Variants in NABP1 observed in about 807,000 individuals in gnomAD.
NABP1 encodes the protein SOSS complex subunit B2.
Under a neutral mutation model 25.0 loss-of-function variants are expected in NABP1, and 18 were observed. The ratio of observed to expected loss-of-function variants is 0.72; its 90% CI spans 0.50 to 1.07. The LOEUF is 1.07. Ranked by LOEUF, NABP1 falls within the 50% of genes least tolerant of loss-of-function variation. The pLI, the probability that NABP1 is intolerant of heterozygous loss-of-function variation, is 0.00. For missense variants in NABP1, 270 were observed against 255.6 expected (o/e 1.06, Z -0.39); for synonymous variants, 71 against 85.0 (o/e 0.84, Z 0.91).
At chr2:191,679,429 T>A (rs1687610802) in intron 2 of NABP1, among the ~76,000 whole-genome samples, 1 of 152,204 alleles carries the variant, frequency 6.6e-6, no homozygotes, top group South Asian at 2.1e-4. Context: ...CAAGCTGGAG[T>A]GCAGTGGCGT....
intron 1 of NABP1, 118 bp from the exon 2 acceptor site, chr2:191,678,871 GC>G: frequency 6.8e-7 from 1 of 1,467,684 alleles, no homozygotes; most frequent in South Asian, 1.2e-5. Flanking sequence ...TGAGGCGGGA[GC>G]CCTGGGCTTG....
chr2:191,683,949 G>A lies in NABP1; in HGVS notation c.378+145G>A. The A allele has an allele frequency of 5.5e-6, 4 of 724,170 alleles. No individual in the cohort carries two copies. The highest frequency in any genetic ancestry group is 3.7e-5 in the South Asian group (2 of 53,866). The allele number at this position is 724,170 out of a possible 1,614,324, so 44.9% of individuals were successfully genotyped here. A position where few individuals can be genotyped will look rare whatever the true frequency, so the allele number is the denominator to read the frequency against. On this transcript the variant is annotated intron_variant, in intron 4 of 5. Transcript: ENST00000425611. The surrounding 1 kb of genome is among the most constrained non-coding windows in gnomAD (Gnocchi z 4.1). ...TTTATTGTATGTTTTGTGAGGATAT[G>A]TATCTGAGGTGTCATCTACTAGATA...
In NABP1 at chr2:191,684,264, G is replaced by A; in HGVS notation, c.413G>A (p.Ser138Asn). 1 of 1,540,346 alleles carries A rather than the reference G, an allele frequency of 6.5e-7. No individual in the cohort carries two copies. The highest frequency in any genetic ancestry group is 8.7e-7 in the Non-Finnish European group (1 of 1,154,108). ...QSEQKNNSMN[S>N]NMGTGTFGPV... ...GAACAGAAGAATAATTCCATGAATA[G>A]TAATATGGGTACAGGTACATTTGGA... is the stretch of plus-strand genomic sequence containing the variant. The change falls in exon 5 of 6, where the codon AGT becomes AAT. Residue 138 changes from serine to asparagine, a missense_variant. Ser to Asn is a conservative substitution (Grantham distance 46). Transcript: ENST00000425611.
chr2:191,682,476 C>T (rs1458266039), intron 3 of NABP1: 1 of 469,982 alleles, frequency 2.1e-6, no homozygotes, highest in African/African-American at 2.0e-5. Flanking sequence ...AACTGAAGTC[C>T]TCTATTTATC....
At chr2:191,679,674 G>T (rs1241581108) in intron 2 of NABP1, among the ~76,000 whole-genome samples, 2 of 152,232 alleles carry the variant, frequency 1.3e-5, no homozygotes, top group Admixed American at 6.5e-5. Flanking sequence ...ACCACGCCCG[G>T]CATAGATTTT....
At position 191,681,971 on chromosome 2, in the gene NABP1, C is replaced by G; in HGVS notation, c.256C>G (p.Leu86Val). 1 of 1,515,300 alleles carries G rather than the reference C, an allele frequency of 6.6e-7. No homozygotes were observed. Among genetic ancestry groups the G allele is most frequent in the South Asian group, 1.4e-5 (1 of 74,008 alleles). The allele number at this position is 1,515,300 out of a possible 1,614,324, so 93.9% of individuals were successfully genotyped here. ...RGYASMWKGC[L>V]TLYTGRGGEL... Reference sequence around the variant, plus strand: ...GTATGCATCCATGTGGAAAGGATGTCTGACACTTTATACTGGAAGGGGTGG... The same window carrying G: ...GTATGCATCCATGTGGAAAGGATGTGTGACACTTTATACTGGAAGGGGTGG... The change falls in exon 3 of 6, where the codon CTG (leucine) becomes GTG (valine). Residue 86 changes from leucine to valine, a missense_variant. Coordinates refer to ENST00000425611, the MANE Select transcript of NABP1 (RefSeq NM_001031716.5).
At chr2:191,681,923 A>G (rs1687695586) in intron 2 of NABP1, 23 bp from the exon 3 acceptor site, 2 of 1,418,492 alleles carry the variant, frequency 1.4e-6, no homozygotes, top group African/African-American at 1.5e-5. Flanking sequence ...TTTCTAAAGA[A>G]TTAATGTTTC....
chr2:191,684,364 G>A lies in NABP1; in HGVS notation c.445+68G>A. The stretch of plus-strand genomic sequence containing the variant: ...AATGAAGAGAGCTGTAAAGATTCAC[G>A]TGAAAAGCAACGTCTTTAGGCATAA... On this transcript the variant is annotated intron_variant, in intron 5 of 5. Coordinates refer to ENST00000425611, the MANE Select transcript of NABP1 (RefSeq NM_001031716.5). 7.8e-6 allele frequency: 9 copies of A among 1,159,196 alleles called. No individual in the cohort carries two copies. In the South Asian group the frequency reaches 7.8e-5, roughly 10 times the overall value. 71.8% of individuals were successfully genotyped at this position (1,159,196 alleles called of 1,614,324 possible). A position where few individuals can be genotyped will look rare whatever the true frequency, so the allele number is the denominator to read the frequency against.
chr2:191,686,533 A>C lies in NABP1; in HGVS notation c.*765A>C, dbSNP rs1035314422. On this transcript the variant is annotated 3_prime_UTR_variant, in exon 6 of 6. Transcript: ENST00000425611. ...CTGAAGTATAATTTGGGGGAGTTATAAAGTTATGATAAACATTCATCTGAT... is the reference window on the plus strand; with the variant it reads ...CTGAAGTATAATTTGGGGGAGTTATCAAGTTATGATAAACATTCATCTGAT... 3 of 152,254 alleles carry C rather than the reference A, an allele frequency of 2.0e-5. No homozygotes were observed. The highest frequency in any genetic ancestry group is 2.0e-4 in the Admixed American group (3 of 15,286). 9.4% of individuals were successfully genotyped at this position (152,254 alleles called of 1,614,324 possible).
intron 3 of NABP1, chr2:191,682,663 C>T (rs1687719527): frequency 2.3e-6 from 1 of 441,508 alleles, no homozygotes; most frequent in Non-Finnish European, 4.7e-6. Flanking sequence ...GGCAATGAGC[C>T]AAATCATCAG....
In NABP1 at chr2:191,685,916, T is replaced by C. The variant is rs908564307; in HGVS notation, c.*148T>C. On this transcript the variant is annotated 3_prime_UTR_variant, in exon 6 of 6. Coordinates refer to ENST00000425611, the MANE Select transcript of NABP1 (RefSeq NM_001031716.5). ...GTTTGTTAAGAAGAATGGTTTGTTT[T>C]TATAGCAAAACTGTTAAGCTGCTCG... 1 of 718,310 alleles carries C rather than the reference T, an allele frequency of 1.4e-6. No individual in the cohort carries two copies. The allele number at this position is 718,310 out of a possible 1,614,324, so 44.5% of individuals were successfully genotyped here.
chr2:191,679,655 G>T (rs955771043), intron 2 of NABP1, among the ~76,000 whole-genome samples: 1 of 152,224 alleles, frequency 6.6e-6, no homozygotes, highest in Non-Finnish European at 1.5e-5. Context: ...GGGATTACAG[G>T]CGTGAGCCAC....
intron 3 of NABP1, chr2:191,682,642 A>T (rs1687718789): frequency 4.3e-6 from 2 of 463,194 alleles, no homozygotes; most frequent in African/African-American, 2.0e-5. Flanking sequence ...GTATTCATAA[A>T]GTATGGTACA....
At chr2:191,682,215 A>G (rs1687706553) in intron 3 of NABP1, 198 bp downstream of exon 3, 2 of 443,890 alleles carry the variant, frequency 4.5e-6, no homozygotes, top group Non-Finnish European at 8.2e-6. Context: ...TAAAAGTGTC[A>G]ATTTTTCCTG....
Position 191,678,457 on chromosome 2 carries a change from G to A in NABP1, c.-158G>A. The A allele has an allele frequency of 2.2e-6, 1 of 455,488 alleles. No homozygotes were observed. Among genetic ancestry groups the A allele is most frequent in the East Asian group, 3.8e-5 (1 of 26,522 alleles). 28.2% of individuals were successfully genotyped at this position (455,488 alleles called of 1,614,324 possible). A position where few individuals can be genotyped will look rare whatever the true frequency, so the allele number is the denominator to read the frequency against. On this transcript the variant is annotated 5_prime_UTR_variant, in exon 1 of 6. Coordinates refer to ENST00000425611, the MANE Select transcript of NABP1 (RefSeq NM_001031716.5). ...TTTTAGGCTCAGTGCTGTCCGGGCT[G>A]GTTTGCCCGGTCCCTGACTAACGGC... is the stretch of plus-strand genomic sequence containing the variant.
Position 191,685,860 on chromosome 2 carries a change from G to A in NABP1, c.*92G>A, listed in dbSNP as rs919027348. ...ATTTATTGTTAACTGTGAAAAGTAC[G>A]TCCTTTATTGGGTTTCCTTTTATAT... On this transcript the variant is annotated 3_prime_UTR_variant, in exon 6 of 6. Coordinates refer to ENST00000425611, the MANE Select transcript of NABP1 (RefSeq NM_001031716.5). 1.7e-5 allele frequency: 21 copies of A among 1,213,420 alleles called. No homozygotes were observed. The highest frequency in any genetic ancestry group is 1.0e-4 in the East Asian group (4 of 38,632). 75.2% of individuals were successfully genotyped at this position (1,213,420 alleles called of 1,614,324 possible).
chr2:191,680,105 T>C (rs1687641366), intron 2 of NABP1, among the ~76,000 whole-genome samples: 1 of 152,160 alleles, frequency 6.6e-6, no homozygotes, highest in Non-Finnish European at 1.5e-5. Context: ...CTTTAAAAAA[T>C]ACTAGAACTT....
In NABP1 at chr2:191,679,024, G is replaced by T; in HGVS notation, c.126G>T (p.Val42=). 1 of 1,614,258 alleles carries T rather than the reference G, an allele frequency of 6.2e-7. No individual in the cohort carries two copies. The highest frequency in any genetic ancestry group is 1.7e-5 in the Admixed American group (1 of 60,034). ...RVTKTKDGHE[V]RSCKVADKTG... ...CCAAAACCAAAGACGGCCATGAAGT[G>T]AGATCGTGCAAAGTAGCAGATAAAA... Residue 42 remains valine, a synonymous_variant, in exon 2 of 6, where the codon GTG becomes GTT. Transcript: ENST00000425611.
Position 191,678,734 on chromosome 2 carries a change from G to T in NABP1, c.91+29G>T, listed in dbSNP as rs770576141. On this transcript the variant is annotated intron_variant, in intron 1 of 5. Coordinates refer to ENST00000425611, the MANE Select transcript of NABP1 (RefSeq NM_001031716.5). Reference sequence around the variant, plus strand: ...AGTGGGGTTTGCAGCCTACTCCACCGCCCGCTGTGCCTCCCGGGGCGGGAG... The same window carrying T: ...AGTGGGGTTTGCAGCCTACTCCACCTCCCGCTGTGCCTCCCGGGGCGGGAG... The T allele has an allele frequency of 6.3e-6, 10 of 1,577,224 alleles. No individual in the cohort carries two copies. The Admixed American group carries it at 1.2e-4, about 20-fold the overall frequency.
Sources: gnomAD v4.1 joint callset for allele counts (sites outside exome capture counted in the v4.1 genomes callset) on GRCh38, gnomAD v4.1.1 for gene constraint, Gnocchi (gnomAD v3.1) non-coding constraint, MANE v1.5 for transcripts, NCBI Gene and HGNC (gene_info 2026-07-23, HGNC 2026-07-21) for gene names.